TBC1D22A: variants seen among roughly 807,000 people sequenced by gnomAD.
TBC1D22A encodes the protein TBC1 domain family member 22A, also known as putative GTPase activator.
A neutral mutation model predicts 60.2 loss-of-function variants in TBC1D22A; 38 were observed. That is an observed-to-expected ratio of 0.63 (90% confidence interval 0.49 to 0.83). TBC1D22A has a LOEUF of 0.83. TBC1D22A is among the 40% of genes least tolerant of loss of function. TBC1D22A has a pLI of 0.00. For missense variants in TBC1D22A, 628 were observed against 701.0 expected (o/e 0.90, Z 1.18); for synonymous variants, 302 against 281.7 (o/e 1.07, Z -0.72).
chr22:46,888,424 G>A (rs1160909657), intron 5 of TBC1D22A, among the ~76,000 whole-genome samples: 4 of 152,234 alleles, frequency 2.6e-5, no homozygotes, highest in South Asian at 2.1e-4. Flanking sequence ...AGTGCCATCC[G>A]GGATGTATTT....
intron 11 of TBC1D22A, among the ~76,000 whole-genome samples, chr22:47,091,623 G>T (rs1337015803): frequency 6.6e-6 from 1 of 152,016 alleles, no homozygotes; most frequent in Non-Finnish European, 1.5e-5. Flanking sequence ...GAGTGGCCTC[G>T]CTGAGCTTCT....
intron 3 of TBC1D22A, among the ~76,000 whole-genome samples, chr22:46,794,234 C>T (rs1408884315): frequency 6.6e-6 from 1 of 152,216 alleles, no homozygotes; most frequent in Non-Finnish European, 1.5e-5. Flanking sequence ...CCATGGGTGA[C>T]ATTGCCAGCC....
intron 11 of TBC1D22A, among the ~76,000 whole-genome samples, chr22:47,099,583 C>G (rs1465566846): frequency 6.6e-6 from 1 of 151,924 alleles, no homozygotes; most frequent in African/African-American, 2.4e-5. Context: ...GTAGCTGGGA[C>G]TACAGGCATG....
In TBC1D22A at chr22:46,974,404, G is replaced by A; in HGVS notation, c.1125+5G>A. 1 of 1,604,772 alleles carries A rather than the reference G, an allele frequency of 6.2e-7. No individual in the cohort carries two copies. The highest frequency in any genetic ancestry group is 8.5e-7 in the Non-Finnish European group (1 of 1,175,962). ...AAGCTGCTGGATGGCATTCAGGTGAGCGCCCGCGCCCACGGGACACAGCCC... is the reference window on the plus strand; with the variant it reads ...AAGCTGCTGGATGGCATTCAGGTGAACGCCCGCGCCCACGGGACACAGCCC... On this transcript the variant is annotated splice_donor_5th_base_variant and intron_variant, in intron 9 of 12. Transcript: ENST00000337137.
chr22:46,936,223 T>A (rs1048415142), intron 8 of TBC1D22A, among the ~76,000 whole-genome samples: 2 of 152,308 alleles, frequency 1.3e-5, no homozygotes, highest in Non-Finnish European at 2.9e-5. Flanking sequence ...CTTTGCGCTG[T>A]GATTGGGTGA....
intron 10 of TBC1D22A, among the ~76,000 whole-genome samples, chr22:47,004,469 C>A (rs914966992): frequency 6.7e-6 from 1 of 149,876 alleles, no homozygotes; most frequent in South Asian, 2.1e-4. Flanking sequence ...CTGCCATATA[C>A]ACATACACAC....
At chr22:46,932,780 AGTG>A (rs2071430089) in intron 8 of TBC1D22A, among the ~76,000 whole-genome samples, 1 of 138,132 alleles carries the variant, frequency 7.2e-6, no homozygotes. Context: ...GCTGAAGTGA[AGTG>A]GTGTGATCTT....
At chr22:47,158,205 C>T (rs1012193064) in intron 12 of TBC1D22A, among the ~76,000 whole-genome samples, 7 of 152,184 alleles carry the variant, frequency 4.6e-5, no homozygotes, top group Admixed American at 1.3e-4. Flanking sequence ...CAGCACTCAG[C>T]GTTTGCATGC....
At chr22:47,075,670 A>G (rs1569421889) in intron 11 of TBC1D22A, among the ~76,000 whole-genome samples, 3 of 152,232 alleles carry the variant, frequency 2.0e-5, no homozygotes, top group Non-Finnish European at 4.4e-5. Flanking sequence ...AAAAGTAAAA[A>G]TCATGAATAA....
intron 11 of TBC1D22A, among the ~76,000 whole-genome samples, chr22:47,089,738 C>G (rs2064846570): frequency 6.6e-6 from 1 of 152,216 alleles, no homozygotes; most frequent in South Asian, 2.1e-4. Context: ...AGAAATTCTT[C>G]TCACTGTTCC....
chr22:46,811,540 G>GT (rs753966423), intron 4 of TBC1D22A, among the ~76,000 whole-genome samples: 28 of 152,238 alleles, frequency 1.8e-4, no homozygotes, highest in Non-Finnish European at 4.0e-4. Flanking sequence ...TGGAGTCTGA[G>GT]TGGCGAGGGT....
intron 12 of TBC1D22A, among the ~76,000 whole-genome samples, chr22:47,127,001 A>G (rs774264494): frequency 4.6e-5 from 7 of 152,326 alleles, no homozygotes; most frequent in Non-Finnish European, 7.3e-5. Flanking sequence ...GGTGCACACA[A>G]TACACGCAAT....
At chr22:46,971,719 C>T (rs1055723936) in intron 8 of TBC1D22A, among the ~76,000 whole-genome samples, 5 of 152,206 alleles carry the variant, frequency 3.3e-5, no homozygotes, top group Non-Finnish European at 4.4e-5. Context: ...CACTGATCAG[C>T]GCGTGGAGGC....
At chr22:47,031,589 A>T (rs2062475811) in intron 10 of TBC1D22A, among the ~76,000 whole-genome samples, 1 of 152,146 alleles carries the variant, frequency 6.6e-6, no homozygotes, top group Non-Finnish European at 1.5e-5. Flanking sequence ...GTGCCCAGAG[A>T]TGCAAGGGTG....
chr22:46,843,638 C>G (rs935927993), intron 4 of TBC1D22A, among the ~76,000 whole-genome samples: 7 of 151,886 alleles, frequency 4.6e-5, no homozygotes, highest in African/African-American at 1.5e-4. Context: ...TGGGGTTTTT[C>G]AATAGAGGGG....
chr22:46,852,786 T>A (rs2087350968), intron 4 of TBC1D22A, among the ~76,000 whole-genome samples: 1 of 152,218 alleles, frequency 6.6e-6, no homozygotes, highest in Non-Finnish European at 1.5e-5. Flanking sequence ...GTTGGCTGTT[T>A]CCTGGCTGCA....
At chr22:47,043,721 A>G (rs2062926876) in intron 11 of TBC1D22A, among the ~76,000 whole-genome samples, 1 of 152,068 alleles carries the variant, frequency 6.6e-6, no homozygotes, top group Non-Finnish European at 1.5e-5. Context: ...TAGGGCATAG[A>G]GCAGGTGTCC....
At position 47,065,018 on chromosome 22, in the gene TBC1D22A, C is replaced by G. The variant is rs1370000896; in HGVS notation, c.1329+27820C>G. 2.6e-5 allele frequency among the ~76,000 whole-genome samples: 4 copies of G among 152,216 alleles called. No individual in the cohort carries two copies. The East Asian group carries it at 7.7e-4, about 29-fold the overall frequency. Reference sequence around the variant, plus strand: ...TTATTTTTTGAGACGGAGTCTCACTCTGTCACCCAGGCTGGAGTGCAGTGG... The same window carrying G: ...TTATTTTTTGAGACGGAGTCTCACTGTGTCACCCAGGCTGGAGTGCAGTGG... On this transcript the variant is annotated intron_variant, in intron 11 of 12. Coordinates refer to ENST00000337137, the MANE Select transcript of TBC1D22A (RefSeq NM_014346.5).
chr22:46,942,536 A>T (rs2147957844), intron 8 of TBC1D22A, among the ~76,000 whole-genome samples: 1 of 152,350 alleles, frequency 6.6e-6, no homozygotes, highest in South Asian at 2.1e-4. Flanking sequence ...GAAGGATTCA[A>T]ACCGCGTTAA....
Sources: allele counts gnomAD v4.1 joint callset (sites outside exome capture counted in the v4.1 genomes callset), GRCh38; gene constraint gnomAD v4.1.1; transcripts MANE v1.5; gene names NCBI Gene and HGNC (gene_info 2026-07-23, HGNC 2026-07-21).